The following MRE11 variants were observed in gnomAD, a reference collection of about 807,000 sequenced individuals.
MRE11 encodes the protein MRE11 double strand break repair nuclease.
Under a neutral mutation model 91.7 loss-of-function variants are expected in MRE11, and 62 were observed. The ratio of observed to expected loss-of-function variants is 0.68; its 90% CI spans 0.55 to 0.84. The LOEUF (loss-of-function observed/expected upper bound fraction) is 0.84, where lower values mean the gene tolerates loss of function less well. Ranked by LOEUF, MRE11 falls within the 40% of genes least tolerant of loss-of-function variation. The pLI, the probability that MRE11 is intolerant of heterozygous loss-of-function variation, is 0.00. For synonymous variants in MRE11, 273 were observed against 271.4 expected (o/e 1.01, Z -0.06); for missense variants, 796 against 852.9 (o/e 0.93, Z 0.83).
intron 8 of MRE11, among the ~76,000 whole-genome samples, chr11:94,471,328 T>G (rs1262359828): frequency 2.0e-5 from 3 of 152,024 alleles, no homozygotes; most frequent in African/African-American, 7.2e-5. Context: ...AATAAAAATG[T>G]GCATCTTGAA....
chr11:94,474,002 T>C (rs1481360805), intron 7 of MRE11, among the ~76,000 whole-genome samples: 2 of 152,164 alleles, frequency 1.3e-5, no homozygotes, highest in Non-Finnish European at 2.9e-5. Flanking sequence ...ATTGGTTTTT[T>C]AAGCACATAT....
At chr11:94,492,720 A>C in intron 2 of MRE11, 62 bp downstream of exon 2, 1 of 1,603,766 alleles carries the variant, frequency 6.2e-7, no homozygotes, top group Non-Finnish European at 8.5e-7. Flanking sequence ...TTTTACTGTG[A>C]TCACAGTTGA....
intron 14 of MRE11, among the ~76,000 whole-genome samples, chr11:94,447,997 C>G (rs1285249141): frequency 6.6e-6 from 1 of 151,964 alleles, no homozygotes; most frequent in Non-Finnish European, 1.5e-5. Context: ...TTTACAGAAT[C>G]AAAATTTTCA....
At chr11:94,447,909 T>G (rs1280295534) in intron 14 of MRE11, among the ~76,000 whole-genome samples, 1 of 151,978 alleles carries the variant, frequency 6.6e-6, no homozygotes, top group Non-Finnish European at 1.5e-5. Context: ...AATTTAATAC[T>G]TATTATCTGT....
chr11:94,491,561 A>G (rs1947283576), intron 2 of MRE11, among the ~76,000 whole-genome samples: 1 of 152,204 alleles, frequency 6.6e-6, no homozygotes, highest in Non-Finnish European at 1.5e-5. Context: ...CTCTTACACT[A>G]AATTTAATTG....
intron 10 of MRE11, 86 bp from the exon 11 acceptor site, chr11:94,464,325 T>A: frequency 6.5e-7 from 1 of 1,535,582 alleles, no homozygotes; most frequent in East Asian, 2.3e-5. Flanking sequence ...GTATTCACAG[T>A]GTTTATGCTT....
intron 19 of MRE11, among the ~76,000 whole-genome samples, chr11:94,421,170 T>C (rs1293943605): frequency 6.6e-6 from 1 of 152,196 alleles, no homozygotes; most frequent in Non-Finnish European, 1.5e-5. Flanking sequence ...ATTATATAAT[T>C]TTATGAAGAT....
rs1007627012 is a variant in MRE11 at position 94,467,950 on chromosome 11, G to A, written c.1018-57C>T. The A allele has an allele frequency of 6.7e-6, 9 of 1,352,194 alleles. No homozygotes were observed. The East Asian group carries it at 1.8e-4, about 28-fold the overall frequency. 83.8% of individuals were successfully genotyped at this position (1,352,194 alleles called of 1,614,324 possible). ...GTAGTAAACTGAGTTTAACTTGGCT[G>A]AATAGCAGCTTATTACCACAGGAAT... On this transcript the variant is annotated intron_variant, in intron 9 of 19. Coordinates refer to ENST00000323929, the MANE Select transcript of MRE11 (RefSeq NM_005591.4).
At chr11:94,470,391 T>C in intron 9 of MRE11, 80 bp downstream of exon 9, 1 of 1,372,536 alleles carries the variant, frequency 7.3e-7, no homozygotes, top group African/African-American at 1.4e-5. Flanking sequence ...GGCTTCCCTC[T>C]ACTCTATTAA....
chr11:94,426,547 A>G (rs1377617586), intron 19 of MRE11, among the ~76,000 whole-genome samples: 1 of 150,952 alleles, frequency 6.6e-6, no homozygotes, highest in African/African-American at 2.5e-5. Flanking sequence ...GCAGAAGAAA[A>G]GAAATAAATT....
At chr11:94,485,028 A>G (rs1303622884) in intron 4 of MRE11, among the ~76,000 whole-genome samples, 2 of 152,208 alleles carry the variant, frequency 1.3e-5, no homozygotes, top group African/African-American at 4.8e-5. Context: ...CCTGGCCAAC[A>G]TGGCAAAACC....
intron 19 of MRE11, among the ~76,000 whole-genome samples, chr11:94,428,870 A>G (rs1297724207): frequency 2.6e-5 from 4 of 152,294 alleles, no homozygotes; most frequent in Admixed American, 6.5e-5. Context: ...TGTCAAAAAA[A>G]AAAGAGAAAA....
At chr11:94,466,489 C>G (rs570381422) in intron 10 of MRE11, 2 of 532,362 alleles carry the variant, frequency 3.8e-6, no homozygotes, top group South Asian at 2.8e-5. Context: ...TCTCATAAAT[C>G]TACGAAGCAT....
At position 94,490,562 on chromosome 11, in the gene MRE11, A is replaced by G. The variant is rs115310639; in HGVS notation, c.153+271T>C. 3.0e-3 allele frequency among the ~76,000 whole-genome samples: 462 copies of G among 152,324 alleles called. 2 individuals carry two copies. The highest frequency in any genetic ancestry group is 9.5e-3 in the African/African-American group (394 of 41,568). ...AAGCAGAAGCTTTGACAGTCACCTT[A>G]CATTTCGAATAGACACTGCCACAGG... is the stretch of plus-strand genomic sequence containing the variant. On this transcript the variant is annotated intron_variant, in intron 3 of 19. Coordinates refer to ENST00000323929, the MANE Select transcript of MRE11 (RefSeq NM_005591.4).
intron 7 of MRE11, 31 bp downstream of exon 7, chr11:94,476,258 T>C (rs1400414138): frequency 1.4e-6 from 2 of 1,461,936 alleles, no homozygotes; most frequent in Non-Finnish European, 1.9e-6. Context: ...CCTCAGCACT[T>C]GGCTCAAACT....
At chr11:94,446,305 G>A (rs1166154083) in intron 15 of MRE11, among the ~76,000 whole-genome samples, 1 of 152,192 alleles carries the variant, frequency 6.6e-6, no homozygotes, top group African/African-American at 2.4e-5. Context: ...TACCTGGGAG[G>A]CTGAGGCAGG....
chr11:94,449,916 G>A (rs1404276639), intron 14 of MRE11, among the ~76,000 whole-genome samples: 3 of 152,078 alleles, frequency 2.0e-5, no homozygotes, highest in Non-Finnish European at 2.9e-5. Flanking sequence ...GTCTGACATC[G>A]ATCAAAATGT....
chr11:94,483,490 G>T lies in MRE11; in HGVS notation c.314+2434C>A, dbSNP rs540931257. On this transcript the variant is annotated intron_variant, in intron 4 of 19. Coordinates refer to ENST00000323929, the MANE Select transcript of MRE11 (RefSeq NM_005591.4). The stretch of plus-strand genomic sequence containing the variant: ...TGGTGATAGTGAATAAGTCTAAAGA[G>T]ATCTGATGGTTTTAAAAATGGGAGT... Among the ~76,000 whole-genome samples the T allele has an allele frequency of 3.2e-4, 48 of 152,266 alleles. 1 individual carries two copies. The highest frequency in any genetic ancestry group is 1.1e-3 in the African/African-American group (47 of 41,552).
At chr11:94,500,342 A>C in the MRE11 span, among the ~76,000 whole-genome samples, 1 of 152,358 alleles carries the variant, frequency 6.6e-6, no homozygotes, top group South Asian at 2.1e-4. Flanking sequence ...CTGATGCTAG[A>C]GAGCAAACTC....
Sources: allele counts gnomAD v4.1 joint callset (sites outside exome capture counted in the v4.1 genomes callset), GRCh38; gene constraint gnomAD v4.1.1; transcripts MANE v1.5; gene names NCBI Gene and HGNC (gene_info 2026-07-23, HGNC 2026-07-21).